Variants in GRM4 observed in about 807,000 individuals in gnomAD.
The protein encoded by GRM4 is metabotropic glutamate receptor 4.
GRM4 carries 28 observed loss-of-function variants against 81.7 expected under a neutral mutation model. That is an observed-to-expected ratio of 0.34 (90% confidence interval 0.25 to 0.47). The LOEUF (loss-of-function observed/expected upper bound fraction) is 0.47, where lower values mean the gene tolerates loss of function less well. GRM4 is among the 20% of genes least tolerant of loss of function. The pLI, the probability that GRM4 is intolerant of heterozygous loss-of-function variation, is 1.00. For missense variants in GRM4, 948 were observed against 1,290.0 expected (o/e 0.73, Z 4.06); for synonymous variants, 488 against 528.8 (o/e 0.92, Z 1.06).
chr6:34,036,702 T>C lies in GRM4; in HGVS notation c.1507-99A>G. 1.5e-6 allele frequency: 1 copy of C among 654,602 alleles called. No individual in the cohort carries two copies. The highest frequency in any genetic ancestry group is 1.9e-5 in the South Asian group (1 of 51,990). 40.5% of individuals were successfully genotyped at this position (654,602 alleles called of 1,614,324 possible). ...GGCACCTTGTAGCCCCACACTCAAA[T>C]CACCCAGCTAGTTGGCTAAAAGTCC... On this transcript the variant is annotated intron_variant, in intron 8 of 10. Transcript: ENST00000538487. This position sits in a 1 kb window ranked among gnomAD's most constrained non-coding sequence, Gnocchi z 9.0.
upstream of GRM4, among the ~76,000 whole-genome samples, chr6:34,149,332 T>C (rs901916368): frequency 8.5e-5 from 13 of 152,196 alleles, no homozygotes; most frequent in African/African-American, 3.1e-4. Flanking sequence ...TCTGATGGGT[T>C]TCAATTTTGG....
rs1769499501 is a variant in GRM4 at position 34,114,309 on chromosome 6, T to C, written c.519+18669A>G. 6.6e-6 allele frequency among the ~76,000 whole-genome samples: 1 copy of C among 152,178 alleles called. No individual in the cohort carries two copies. The highest frequency in any genetic ancestry group is 2.1e-4 in the South Asian group (1 of 4,832). ...CTCAGCCCAACCCAACATCTGCTAC[T>C]AAAAGATGCTCACCAGCTATTTGGT... On this transcript the variant is annotated intron_variant, in intron 2 of 10. Coordinates refer to ENST00000538487, the MANE Select transcript of GRM4 (RefSeq NM_000841.4). This position sits in a 1 kb window ranked among gnomAD's most constrained non-coding sequence, Gnocchi z 4.3.
chr6:34,052,398 C>A (rs1321541846), intron 6 of GRM4, among the ~76,000 whole-genome samples: 5 of 152,250 alleles, frequency 3.3e-5, no homozygotes, highest in African/African-American at 1.2e-4. Context: ...CTTCAGACAG[C>A]ATTGAAGGAT....
chr6:34,075,830 C>T (rs1027437998), intron 3 of GRM4, among the ~76,000 whole-genome samples: 25 of 152,350 alleles, frequency 1.6e-4, no homozygotes, highest in African/African-American at 5.5e-4. Context: ...GCTTCAAGGG[C>T]AGACTGTGTC....
rs561348957 is a variant in GRM4, at chr6:34,044,174, A to G, written c.1169-3426T>C. Among the ~76,000 whole-genome samples the G allele has an allele frequency of 2.0e-5, 3 of 149,638 alleles. No homozygotes were observed. In the South Asian group the frequency reaches 6.3e-4, roughly 32 times the overall value. On this transcript the variant is annotated intron_variant, in intron 6 of 10. Coordinates refer to ENST00000538487, the MANE Select transcript of GRM4 (RefSeq NM_000841.4). The stretch of plus-strand genomic sequence containing the variant: ...CATATATACACATACACACACATAT[A>G]CATACATACACATATATACACACAC...
intron 2 of GRM4, among the ~76,000 whole-genome samples, chr6:34,120,741 C>T (rs536968960): frequency 1.8e-4 from 28 of 152,182 alleles, no homozygotes; most frequent in African/African-American, 5.5e-4. Flanking sequence ...TCTCAGGGCG[C>T]GCCACAACAC....
intron 9 of GRM4, among the ~76,000 whole-genome samples, chr6:34,033,201 G>GGATC (rs1227685804): frequency 6.6e-6 from 1 of 152,148 alleles, no homozygotes; most frequent in Non-Finnish European, 1.5e-5. Context: ...TTGCAAGGTG[G>GGATC]GATCCCCCTG....
At chr6:34,124,845 C>G (rs754723792) in intron 2 of GRM4, among the ~76,000 whole-genome samples, 5 of 152,236 alleles carry the variant, frequency 3.3e-5, no homozygotes, top group South Asian at 2.1e-4. Context: ...GAGGACCCCC[C>G]CCTAGACTCA....
chr6:34,067,751 G>C (rs1255470291), intron 3 of GRM4, among the ~76,000 whole-genome samples: 3 of 152,138 alleles, frequency 2.0e-5, no homozygotes, highest in African/African-American at 7.2e-5. Flanking sequence ...AGAAGGAAAA[G>C]CCATCATCCT....
At chr6:34,103,583 T>C (rs1368828165) in intron 2 of GRM4, 3 of 1,532,612 alleles carry the variant, frequency 2.0e-6, no homozygotes, top group Admixed American at 2.0e-5. Context: ...ATACTCACTT[T>C]TGCAGGTTTT....
intron 3 of GRM4, chr6:34,063,317 C>T (rs1387267318): frequency 6.6e-6 from 1 of 152,428 alleles, no homozygotes; most frequent in Non-Finnish European, 1.5e-5. Flanking sequence ...AGTGCCAGCA[C>T]CCAGCTCCAC....
rs914796978 is a variant in GRM4, at chr6:34,086,219, C to T, written c.736+5664G>A. 3.6e-4 allele frequency among the ~76,000 whole-genome samples: 55 copies of T among 152,226 alleles called. 2 individuals are homozygous for T. Among genetic ancestry groups the T allele is most frequent in the Non-Finnish European group, 8.8e-5 (6 of 68,044 alleles). The stretch of plus-strand genomic sequence containing the variant: ...CGCCACATGCCGAGAGTCTCACAGC[C>T]CACTGGATGAGGAGCTGCCCAGCCT... On this transcript the variant is annotated intron_variant, in intron 3 of 10. Coordinates refer to ENST00000538487, the MANE Select transcript of GRM4 (RefSeq NM_000841.4).
chr6:34,081,156 G>A (rs889039025), intron 3 of GRM4, among the ~76,000 whole-genome samples: 5 of 152,156 alleles, frequency 3.3e-5, no homozygotes, highest in Admixed American at 6.5e-5. Flanking sequence ...GGCCAGTTTC[G>A]GAGTCATGCA....
intron 3 of GRM4, among the ~76,000 whole-genome samples, chr6:34,075,377 G>A (rs950063610): frequency 1.3e-5 from 2 of 152,168 alleles, no homozygotes; most frequent in Non-Finnish European, 2.9e-5. Flanking sequence ...CAGCCAGAAC[G>A]TTCCCCTCTA....
At chr6:34,039,893 T>TC (rs1413033909) in intron 8 of GRM4, among the ~76,000 whole-genome samples, 2 of 144,600 alleles carry the variant, frequency 1.4e-5, no homozygotes, top group East Asian at 2.1e-4. Flanking sequence ...CTATCCAGAG[T>TC]CCCCCCATCC....
rs1391963780 is a variant in GRM4, at chr6:34,064,803, C to T, written c.737-2775G>A. Among the ~76,000 whole-genome samples, 2 of 152,162 alleles carry T rather than the reference C, an allele frequency of 1.3e-5. No homozygotes were observed. The highest frequency in any genetic ancestry group is 1.3e-4 in the Admixed American group (2 of 15,284). ...CACTGAGCACCCCCTGCATGCCTGG[C>T]ACCATGCGAGGCCCAGTCTCAATGA... On this transcript the variant is annotated intron_variant, in intron 3 of 10. Coordinates refer to ENST00000538487, the MANE Select transcript of GRM4 (RefSeq NM_000841.4). This position sits in a 1 kb window ranked among gnomAD's most constrained non-coding sequence, Gnocchi z 4.4.
At chr6:34,025,915 C>T (rs779814614) in intron 10 of GRM4, among the ~76,000 whole-genome samples, 1 of 152,188 alleles carries the variant, frequency 6.6e-6, no homozygotes, top group Admixed American at 6.5e-5. Context: ...TATTCCAGCA[C>T]TGGGGACTGG....
intron 9 of GRM4, among the ~76,000 whole-genome samples, chr6:34,029,245 T>C (rs1034646476): frequency 2.0e-5 from 3 of 152,202 alleles, no homozygotes; most frequent in Non-Finnish European, 4.4e-5. Context: ...GGAAATGCTC[T>C]TTCCCAAATC....
At chr6:34,137,193 T>A (rs2029462) in intron 1 of GRM4, among the ~76,000 whole-genome samples, 66,133 of 152,108 alleles carry the variant, frequency 0.43, 16,976 homozygotes, top group Admixed American at 0.56. Context: ...CAGACGGGCC[T>A]CTTCCCCCTT....
Sources: gnomAD v4.1 joint callset for allele counts (sites outside exome capture counted in the v4.1 genomes callset) on GRCh38, gnomAD v4.1.1 for gene constraint, Gnocchi (gnomAD v3.1) non-coding constraint, MANE v1.5 for transcripts, NCBI Gene and HGNC (gene_info 2026-07-23, HGNC 2026-07-21) for gene names.